PISD: variants seen among roughly 807,000 people sequenced by gnomAD.
The protein encoded by PISD is phosphatidylserine decarboxylase, also known as phosphatidylserine decarboxylase proenzyme, mitochondrial.
PISD carries 31 observed loss-of-function variants against 43.5 expected under a neutral mutation model. That is an observed-to-expected ratio of 0.71 (90% CI 0.54 to 0.96). The LOEUF (loss-of-function observed/expected upper bound fraction) is 0.96, where lower values mean the gene tolerates loss of function less well. Ranked by LOEUF, PISD falls within the 40% of genes least tolerant of loss-of-function variation. The pLI is 0.00. For missense variants in PISD, 523 were observed against 548.4 expected, an observed-to-expected ratio of 0.95 and a Z score of 0.46; for synonymous variants, 259 against 228.7, an observed-to-expected ratio of 1.13 and a Z score of -1.20.
At chr22:31,641,126 T>G (rs1463916808) in intron 3 of PISD, among the ~76,000 whole-genome samples, 5 of 151,990 alleles carry the variant, frequency 3.3e-5, no homozygotes, top group Non-Finnish European at 7.4e-5. Context: ...CCTCAGGTGA[T>G]CCACCCACCT....
chr22:31,650,231 A>G (rs1256612330), intron 2 of PISD, among the ~76,000 whole-genome samples: 1 of 152,178 alleles, frequency 6.6e-6, no homozygotes. Context: ...TAATGCCAAC[A>G]CTTTGGGAGG....
At chr22:31,622,225 T>G (rs1347037832) in intron 3 of PISD, among the ~76,000 whole-genome samples, 1 of 152,194 alleles carries the variant, frequency 6.6e-6, no homozygotes, top group Non-Finnish European at 1.5e-5. Flanking sequence ...CTAACCACAG[T>G]GTGTGACCCT....
intron 2 of PISD, 79 bp downstream of exon 2, chr22:31,650,620 A>T: frequency 1.3e-6 from 1 of 774,156 alleles, no homozygotes; most frequent in Non-Finnish European, 2.2e-6. Flanking sequence ...CTCTAACAAC[A>T]ACCCTATGTT....
At chr22:31,648,897 C>T (rs184984474) in intron 2 of PISD, among the ~76,000 whole-genome samples, 14 of 152,288 alleles carry the variant, frequency 9.2e-5, no homozygotes, top group African/African-American at 3.1e-4. Flanking sequence ...AGAAACTAAT[C>T]AAGGTTGCCC....
chr22:31,638,648 T>C, intron 3 of PISD: 1 of 984,464 alleles, frequency 1.0e-6, no homozygotes, highest in Middle Eastern at 5.2e-4. Context: ...TCTCTACTAC[T>C]AGCTAATGGT....
chr22:31,623,770 A>G (rs763333149), intron 3 of PISD: 2 of 1,614,170 alleles, frequency 1.2e-6, no homozygotes, highest in Non-Finnish European at 8.5e-7. Flanking sequence ...AAGGGCCAGG[A>G]GCGCAGTTTC....
intron 3 of PISD, among the ~76,000 whole-genome samples, chr22:31,631,808 C>T (rs1207076616): frequency 6.6e-6 from 1 of 152,234 alleles, no homozygotes; most frequent in African/African-American, 2.4e-5. Flanking sequence ...ACTGAGCACG[C>T]CCATTCCCTA....
intron 3 of PISD, among the ~76,000 whole-genome samples, chr22:31,633,457 T>C (rs930489551): frequency 3.9e-5 from 6 of 152,300 alleles, no homozygotes; most frequent in African/African-American, 1.4e-4. Flanking sequence ...GGCTCATGCC[T>C]GTAATCCCAG....
chr22:31,624,911 C>G (rs553088181), intron 3 of PISD, among the ~76,000 whole-genome samples: 9 of 152,250 alleles, frequency 5.9e-5, no homozygotes, highest in Admixed American at 5.2e-4. Context: ...GCCTCCTGCG[C>G]CTAAACAAGG....
At chr22:31,627,850 G>A (rs1313528383) in intron 3 of PISD, among the ~76,000 whole-genome samples, 1 of 152,234 alleles carries the variant, frequency 6.6e-6, no homozygotes. Context: ...CCATGGTGCT[G>A]TGAGGGGCTG....
At chr22:31,635,608 A>G (rs988141212) in intron 3 of PISD, among the ~76,000 whole-genome samples, 11 of 152,022 alleles carry the variant, frequency 7.2e-5, no homozygotes, top group Admixed American at 2.6e-4. Context: ...AGTTCCACAT[A>G]TTCTTGAGAC....
chr22:31,631,130 G>T (rs1178515527), intron 3 of PISD, among the ~76,000 whole-genome samples: 1 of 151,574 alleles, frequency 6.6e-6, no homozygotes, highest in East Asian at 1.9e-4. Context: ...CCCAAGGGAT[G>T]CCTCCTGTCT....
rs753228533 is a variant in PISD at position 31,621,064 on chromosome 22, G to A, written c.776C>T (p.Ala259Val). 6.2e-7 allele frequency: 1 copy of A among 1,614,068 alleles called. No homozygotes were observed. Reference protein sequence around the residue: ...NELYHCVIYLAPGDYHCFHSP... With the variant: ...NELYHCVIYLVPGDYHCFHSP... ...GTGGAAGCAGTGGTAGTCCCCAGGGGCCAGGTAGATGACACAGTGATAGAG... is the reference window on the plus strand; with the variant it reads ...GTGGAAGCAGTGGTAGTCCCCAGGGACCAGGTAGATGACACAGTGATAGAG... The change falls in exon 6 of 8, where the codon GCC becomes GTC. Residue 259 changes from alanine to valine, a missense_variant. By Grantham distance (64) the Ala-to-Val change is moderately conservative (BLOSUM62 0). Coordinates refer to ENST00000439502, the MANE Select transcript of PISD (RefSeq NM_001326411.2).
intron 3 of PISD, among the ~76,000 whole-genome samples, chr22:31,636,514 C>T (rs901800381): frequency 2.6e-5 from 4 of 152,122 alleles, no homozygotes; most frequent in Admixed American, 6.6e-5. Flanking sequence ...AGGCACCCGC[C>T]ACCACGCCCA....
rs1002351619 is a variant in PISD, at chr22:31,650,909, G to A, written c.66-131C>T. On this transcript the variant is annotated intron_variant, in intron 1 of 7. Coordinates refer to ENST00000439502, the MANE Select transcript of PISD (RefSeq NM_001326411.2). ...ATGTCTTGGTTTTGACAACTGTACTGTAGATAAGAAAATGTCCTTGTAGGG... is the reference window on the plus strand; with the variant it reads ...ATGTCTTGGTTTTGACAACTGTACTATAGATAAGAAAATGTCCTTGTAGGG... The A allele has an allele frequency of 1.3e-5, 7 of 547,992 alleles. No homozygotes were observed. In the East Asian group the frequency reaches 1.8e-4, roughly 14 times the overall value. The allele number at this position is 547,992 out of a possible 1,614,324, so 33.9% of individuals were successfully genotyped here.
chr22:31,629,020 G>A (rs1452024463), intron 3 of PISD: 1 of 985,422 alleles, frequency 1.0e-6, no homozygotes. Context: ...ACCGTATAGG[G>A]GGTAGGGGAA....
At position 31,620,725 on chromosome 22, in the gene PISD, G is replaced by A; in HGVS notation, c.845-12C>T. On this transcript the variant is annotated splice_polypyrimidine_tract_variant and intron_variant, in intron 6 of 7. Transcript: ENST00000439502. ...TGACATCAGGGAGCCTGCAGAGGCA[G>A]GGAATGCCGCTACTCCCCGTCCAGA... 1 of 1,614,010 alleles carries A rather than the reference G, an allele frequency of 6.2e-7. No individual in the cohort carries two copies. The highest frequency in any genetic ancestry group is 8.5e-7 in the Non-Finnish European group (1 of 1,179,916).
At chr22:31,625,925 G>GGCCTCTGCCT in intron 3 of PISD, 1 of 1,523,220 alleles carries the variant, frequency 6.6e-7, no homozygotes, top group East Asian at 2.5e-5. Flanking sequence ...ACTGCTCCAG[G>GGCCTCTGCCT]GCCTCTGCCT....
chr22:31,656,702 A>T (rs1312949722), intron 1 of PISD, among the ~76,000 whole-genome samples: 3 of 149,946 alleles, frequency 2.0e-5, no homozygotes, highest in Non-Finnish European at 3.0e-5. Context: ...GAAAGACAAG[A>T]TCCCACATCT....
Sources: gnomAD v4.1 joint callset for allele counts (sites outside exome capture counted in the v4.1 genomes callset) on GRCh38, gnomAD v4.1.1 for gene constraint, MANE v1.5 for transcripts, NCBI Gene and HGNC (gene_info 2026-07-23, HGNC 2026-07-21) for gene names.